CFAP92: variants seen among roughly 807,000 people sequenced by gnomAD.
The protein encoded by CFAP92 is uncharacterized protein CFAP92.
CFAP92 carries 86 observed loss-of-function variants against 106.3 expected under a neutral mutation model. That is an observed-to-expected ratio of 0.81 (90% confidence interval 0.68 to 0.97). The LOEUF (loss-of-function observed/expected upper bound fraction) is 0.97. Among genes scored for constraint, CFAP92 ranks in the 50% least tolerant of loss-of-function variants. The pLI, the probability that CFAP92 is intolerant of heterozygous loss-of-function variation, is 0.00. For synonymous variants in CFAP92, 477 were observed against 506.4 expected (o/e 0.94, Z 0.78); for missense variants, 1,204 against 1,283.8 (o/e 0.94, Z 0.95).
At chr3:128,916,058 A>G (rs934655015) in intron 13 of CFAP92, 49 bp downstream of exon 13, 19 of 1,214,824 alleles carry the variant, frequency 1.6e-5, no homozygotes, top group Non-Finnish European at 2.0e-5. Flanking sequence ...GTCAGAATAA[A>G]GAACTCATGG....
intron 9 of CFAP92, among the ~76,000 whole-genome samples, chr3:128,953,599 C>CTCCCTCTCCCT (rs1491107925): frequency 9.2e-6 from 1 of 109,182 alleles, no homozygotes; most frequent in African/African-American, 5.7e-5. Flanking sequence ...CCCTCTCCCT[C>CTCCCTCTCCCT]CCCCTCTCCC....
the CFAP92 span, among the ~76,000 whole-genome samples, chr3:129,025,430 G>C: frequency 6.6e-6 from 1 of 152,236 alleles, no homozygotes. Context: ...TTTAGGCCAA[G>C]TCAAATGCGT....
intron 9 of CFAP92, among the ~76,000 whole-genome samples, chr3:128,950,069 A>T (rs982443093): frequency 4.3e-5 from 6 of 140,714 alleles, no homozygotes; most frequent in South Asian, 2.6e-4. Flanking sequence ...TTTGTTTTTT[A>T]AAAAAAATAA....
intron 5 of CFAP92, among the ~76,000 whole-genome samples, chr3:128,977,795 G>C (rs1301219560): frequency 6.6e-6 from 1 of 152,298 alleles, no homozygotes; most frequent in East Asian, 1.9e-4. Flanking sequence ...GGAGGCAGAG[G>C]TTGCAGTGAG....
chr3:128,915,970 G>C (rs1464396781), intron 13 of CFAP92, 137 bp downstream of exon 13: 5 of 553,596 alleles, frequency 9.0e-6, no homozygotes, highest in Non-Finnish European at 1.4e-5. Flanking sequence ...CTCAACATCT[G>C]AGCCTTGTCT....
chr3:128,990,400 G>A (rs1944139785), intron 2 of CFAP92, among the ~76,000 whole-genome samples: 1 of 152,044 alleles, frequency 6.6e-6, no homozygotes, highest in Non-Finnish European at 1.5e-5. Flanking sequence ...GGGAGGCTGA[G>A]GCAGGAGAAT....
chr3:129,006,027 T>C (rs555379388), upstream of CFAP92, among the ~76,000 whole-genome samples: 1 of 152,254 alleles, frequency 6.6e-6, no homozygotes, highest in Non-Finnish European at 1.5e-5. Context: ...AGTGGATTCA[T>C]AGCCAATGCA....
chr3:128,937,716 A>C (rs1939193627), intron 10 of CFAP92, among the ~76,000 whole-genome samples: 1 of 151,760 alleles, frequency 6.6e-6, no homozygotes, highest in Non-Finnish European at 1.5e-5. Context: ...CCATTGGGGG[A>C]GGTTGAGTAA....
chr3:128,963,528 C>A (rs551044873), intron 9 of CFAP92, among the ~76,000 whole-genome samples: 1 of 152,140 alleles, frequency 6.6e-6, no homozygotes, highest in Non-Finnish European at 1.5e-5. Context: ...GTTCCTGGCC[C>A]GGACTTCAAT....
chr3:128,926,301 G>A (rs1937640515), intron 12 of CFAP92, among the ~76,000 whole-genome samples: 1 of 152,198 alleles, frequency 6.6e-6, no homozygotes. Flanking sequence ...TGAATCACCT[G>A]AGGTTAGGAG....
At chr3:128,914,989 C>CT (rs1392718696) in intron 15 of CFAP92, 130 bp downstream of exon 15, 4 of 904,586 alleles carry the variant, frequency 4.4e-6, no homozygotes, top group Non-Finnish European at 6.5e-6. Context: ...CTGCATCTTG[C>CT]TTTTCTTAGC....
At chr3:128,913,002 A>G in intron 15 of CFAP92, 1 of 461,796 alleles carries the variant, frequency 2.2e-6, no homozygotes. Context: ...TCTAAGAAAC[A>G]GCTTGAAAGC....
At chr3:128,978,296 CTAAAG>C in intron 4 of CFAP92, 111 bp from the exon 5 acceptor site, 9 of 1,074,906 alleles carry the variant, frequency 8.4e-6, no homozygotes, top group Non-Finnish European at 1.2e-5. Flanking sequence ...TCAGACTACA[CTAAAG>C]TAAATATCAC....
In CFAP92 at chr3:128,945,193, C is replaced by T; in HGVS notation, c.2136G>A (p.Gln712=). Residue 712 remains glutamine, a synonymous_variant, in exon 10 of 16, where the codon CAG becomes CAA. Coordinates refer to ENST00000645291, the MANE Select transcript of CFAP92 (RefSeq NM_001394090.1). ...LSAFKVRVRV[Q]EQQHLDVLTG... ...TGAGCACATCCAGGTGCTGCTGCTC[C>T]TGGACCCGCACACGCACCTTGAAGG... 6.5e-7 allele frequency: 1 copy of T among 1,536,204 alleles called. No individual in the cohort carries two copies. The highest frequency in any genetic ancestry group is 8.7e-7 in the Non-Finnish European group (1 of 1,146,940).
chr3:129,009,792 G>C, the CFAP92 span, among the ~76,000 whole-genome samples: 2 of 152,232 alleles, frequency 1.3e-5, no homozygotes, highest in Admixed American at 1.3e-4. Context: ...GAGGAAACCT[G>C]GTTAGACACA....
intron 7 of CFAP92, among the ~76,000 whole-genome samples, chr3:128,974,671 A>C (rs1175759625): frequency 6.6e-6 from 1 of 152,024 alleles, no homozygotes; most frequent in Non-Finnish European, 1.5e-5. Context: ...AAATACAAAA[A>C]TTAGCTGGGT....
chr3:128,925,958 TCA>T (rs1191570509), intron 12 of CFAP92, among the ~76,000 whole-genome samples: 2 of 152,022 alleles, frequency 1.3e-5, no homozygotes, highest in Non-Finnish European at 2.9e-5. Flanking sequence ...AAAAATCTAA[TCA>T]CAGAAAAATT....
intron 10 of CFAP92, among the ~76,000 whole-genome samples, chr3:128,940,893 T>C (rs781123997): frequency 6.6e-6 from 1 of 152,104 alleles, no homozygotes; most frequent in Admixed American, 6.6e-5. Flanking sequence ...AAAAAAAGTA[T>C]GAACCTTTAT....
the CFAP92 span, among the ~76,000 whole-genome samples, chr3:129,024,052 CATTT>C: frequency 2.0e-5 from 3 of 152,246 alleles, no homozygotes; most frequent in Non-Finnish European, 2.9e-5. Context: ...CCCATTCATT[CATTT>C]GACAAACCTT....
Sources: allele counts gnomAD v4.1 joint callset (sites outside exome capture counted in the v4.1 genomes callset), GRCh38; gene constraint gnomAD v4.1.1; transcripts MANE v1.5; gene names NCBI Gene and HGNC (gene_info 2026-07-23, HGNC 2026-07-21).